PCDHGA2: variants seen among roughly 807,000 people sequenced by gnomAD.
PCDHGA2 encodes protocadherin gamma subfamily A, 2.
In PCDHGA2, 40 loss-of-function variants were observed where a neutral mutation model predicts 59.2. The observed-to-expected ratio is 0.68, with a 90% CI of 0.52 to 0.88. PCDHGA2 has a LOEUF of 0.88. Ranked by LOEUF, PCDHGA2 falls within the 40% of genes least tolerant of loss-of-function variation. The pLI, the probability that PCDHGA2 is intolerant of heterozygous loss-of-function variation, is 0.00. For synonymous variants in PCDHGA2, 560 were observed against 526.0 expected (o/e 1.06, Z -0.89); for missense variants, 1,226 against 1,204.0 (o/e 1.02, Z -0.27).
Position 141,338,965 on chromosome 5 carries a change from G to C in PCDHGA2, c.-7G>C, listed in dbSNP as rs199668326. ...GTTGACTCGGAGAAAATTGCGACAGGAGGGAAATGGCGGCTCTGCAAAAGT... is the reference window on the plus strand; with the variant it reads ...GTTGACTCGGAGAAAATTGCGACAGCAGGGAAATGGCGGCTCTGCAAAAGT... On this transcript the variant is annotated 5_prime_UTR_variant, in exon 1 of 4. Coordinates refer to ENST00000394576, the MANE Select transcript of PCDHGA2 (RefSeq NM_018915.4). The C allele has an allele frequency of 3.9e-6, 6 of 1,526,732 alleles. No individual in the cohort carries two copies. In the East Asian group the frequency reaches 1.4e-4, roughly 35 times the overall value. 94.6% of individuals were successfully genotyped at this position (1,526,732 alleles called of 1,614,324 possible).
At chr5:141,479,866 A>G (rs1020197891) in intron 1 of PCDHGA2, among the ~76,000 whole-genome samples, 2 of 152,204 alleles carry the variant, frequency 1.3e-5, no homozygotes, top group African/African-American at 2.4e-5. Context: ...TTTGCCCTGG[A>G]GAGAACCCTA....
At chr5:141,422,886 G>A in intron 1 of PCDHGA2, 1 of 1,614,260 alleles carries the variant, frequency 6.2e-7, no homozygotes, top group Non-Finnish European at 8.5e-7. Flanking sequence ...GCCTGTTCGT[G>A]CTGGACCAGA....
intron 1 of PCDHGA2, chr5:141,479,339 G>GTA (rs1298553162): frequency 1.3e-5 from 2 of 152,644 alleles, no homozygotes; most frequent in East Asian, 3.8e-4. Context: ...GTGTGCACCT[G>GTA]TAGTTCTTGC....
chr5:141,348,477 C>T (rs1007574587), intron 1 of PCDHGA2, among the ~76,000 whole-genome samples: 6 of 151,942 alleles, frequency 3.9e-5, no homozygotes, highest in Non-Finnish European at 8.8e-5. Context: ...TATCACTTTC[C>T]CTGTAAGGAG....
intron 1 of PCDHGA2, chr5:141,387,734 T>C: frequency 7.7e-7 from 1 of 1,302,214 alleles, no homozygotes; most frequent in East Asian, 2.5e-5. Context: ...GCGCCAGCCT[T>C]TACACCGCTT....
Position 141,489,569 on chromosome 5 carries a change from C to T in PCDHGA2, c.2425-5238C>T. On this transcript the variant is annotated intron_variant, in intron 1 of 3. Coordinates refer to ENST00000394576, the MANE Select transcript of PCDHGA2 (RefSeq NM_018915.4). This position sits in a 1 kb window ranked among gnomAD's most constrained non-coding sequence, Gnocchi z 4.5. ...TGCCTGCTGCCAGTGCAGGTGGTGACTGAACACCCCCTGGAGCTAATCCGT... is the reference window on the plus strand; with the variant it reads ...TGCCTGCTGCCAGTGCAGGTGGTGATTGAACACCCCCTGGAGCTAATCCGT... 6.2e-7 allele frequency: 1 copy of T among 1,614,024 alleles called. No homozygotes were observed. The highest frequency in any genetic ancestry group is 2.2e-5 in the East Asian group (1 of 44,870).
rs2091498902 is a variant in PCDHGA2 at position 141,388,801 on chromosome 5, A to G, written c.2424+47406A>G. The G allele has an allele frequency of 1.9e-6, 3 of 1,613,940 alleles. No homozygotes were observed. The East Asian group carries it at 6.7e-5, about 36-fold the overall frequency. On this transcript the variant is annotated intron_variant, in intron 1 of 3. Coordinates refer to ENST00000394576, the MANE Select transcript of PCDHGA2 (RefSeq NM_018915.4). Reference sequence around the variant, plus strand: ...GAAATTACTGTTTTAAATACATTAGATTTTGAAGAAGTCAAAGAATATTCC... The same window carrying G: ...GAAATTACTGTTTTAAATACATTAGGTTTTGAAGAAGTCAAAGAATATTCC...
In PCDHGA2 at chr5:141,384,156, C is replaced by A. The variant is rs760709557; in HGVS notation, c.2424+42761C>A. The A allele has an allele frequency of 1.9e-6, 3 of 1,613,342 alleles. No individual in the cohort carries two copies. In the African/African-American group the frequency reaches 4.0e-5, roughly 22 times the overall value. On this transcript the variant is annotated intron_variant, in intron 1 of 3. Transcript: ENST00000394576. ...ACCGGGAAACACTCTCTTTGTATAACATCACACTGAAAGCCACAGATGGTG... is the reference window on the plus strand; with the variant it reads ...ACCGGGAAACACTCTCTTTGTATAAAATCACACTGAAAGCCACAGATGGTG...
At chr5:141,346,462 GTTTA>G (rs940161921) in intron 1 of PCDHGA2, 25 of 1,613,834 alleles carry the variant, frequency 1.5e-5, no homozygotes, top group African/African-American at 1.2e-4. Context: ...CTTCAGGTGA[GTTTA>G]TTTATTTCTT....
chr5:141,346,660 A>G, intron 1 of PCDHGA2: 1 of 742,914 alleles, frequency 1.3e-6, no homozygotes, highest in Non-Finnish European at 2.2e-6. Context: ...TAGGGAAAAA[A>G]TAATACATCG....
At chr5:141,418,316 A>G in intron 1 of PCDHGA2, 1 of 1,614,026 alleles carries the variant, frequency 6.2e-7, no homozygotes, top group Non-Finnish European at 8.5e-7. Context: ...GATGGGAACA[A>G]TTCTTGAGTC....
At chr5:141,388,835 G>T in intron 1 of PCDHGA2, 1 of 1,613,946 alleles carries the variant, frequency 6.2e-7, no homozygotes, top group South Asian at 1.1e-5. Flanking sequence ...CCATAGTTTT[G>T]GAAGCAAGGG....
At chr5:141,415,935 C>T (rs2095972319) in intron 1 of PCDHGA2, 1 of 601,888 alleles carries the variant, frequency 1.7e-6, no homozygotes, top group Non-Finnish European at 2.4e-6. Flanking sequence ...TTTATATTTC[C>T]TCCTGGGTGG....
intron 1 of PCDHGA2, chr5:141,364,769 G>C (rs755884627): frequency 6.2e-7 from 1 of 1,614,012 alleles, no homozygotes; most frequent in South Asian, 1.1e-5. Flanking sequence ...TGAAAATGCG[G>C]CTGCAGGGAC....
At chr5:141,390,409 A>C in intron 1 of PCDHGA2, 2 of 1,247,634 alleles carry the variant, frequency 1.6e-6, no homozygotes, top group East Asian at 2.4e-5. Context: ...GGAAAGTTGT[A>C]GTCAGTTAAA....
At chr5:141,373,739 A>G (rs1561560112) in intron 1 of PCDHGA2, among the ~76,000 whole-genome samples, 1 of 152,238 alleles carries the variant, frequency 6.6e-6, no homozygotes, top group Non-Finnish European at 1.5e-5. Context: ...ATGCTTCATT[A>G]TCTTGGGGAG....
intron 3 of PCDHGA2, among the ~76,000 whole-genome samples, chr5:141,506,567 T>G (rs2099855029): frequency 6.6e-6 from 1 of 152,182 alleles, no homozygotes; most frequent in Non-Finnish European, 1.5e-5. Flanking sequence ...CCCCCTCGGT[T>G]TCACTTACTA....
At position 141,357,408 on chromosome 5, in the gene PCDHGA2, T is replaced by C. The variant is rs73792169; in HGVS notation, c.2424+16013T>C. 2.9e-3 allele frequency: 4,630 copies of C among 1,614,246 alleles called. 117 individuals carry two copies. In the African/African-American group the frequency reaches 0.05, roughly 18 times the overall value. On this transcript the variant is annotated intron_variant, in intron 1 of 3. Transcript: ENST00000394576. Reference sequence around the variant, plus strand: ...AAGGCAGCAGGTTGGCAGGTGTGCCTGCCTCGCACTTTGTGGGCGTGGACG... The same window carrying C: ...AAGGCAGCAGGTTGGCAGGTGTGCCCGCCTCGCACTTTGTGGGCGTGGACG...
intron 1 of PCDHGA2, among the ~76,000 whole-genome samples, chr5:141,457,912 C>T (rs991917175): frequency 1.3e-5 from 2 of 152,120 alleles, no homozygotes; most frequent in African/African-American, 4.8e-5. Context: ...GGTGTGAGGC[C>T]AGTTCTCCCC....
Sources: gnomAD v4.1 joint callset for allele counts (sites outside exome capture counted in the v4.1 genomes callset) on GRCh38, gnomAD v4.1.1 for gene constraint, Gnocchi (gnomAD v3.1) non-coding constraint, MANE v1.5 for transcripts, NCBI Gene and HGNC (gene_info 2026-07-23, HGNC 2026-07-21) for gene names.